The following DCC variants were observed in gnomAD, a reference collection of about 807,000 sequenced individuals.
DCC encodes netrin receptor DCC.
Under a neutral mutation model 172.5 loss-of-function variants are expected in DCC, and 58 were observed. The ratio of observed to expected loss-of-function variants is 0.34; its 90% CI spans 0.27 to 0.42. DCC has a LOEUF of 0.42. Ranked by LOEUF, DCC falls within the 10% of genes least tolerant of loss-of-function variation. The probability of loss-of-function intolerance (pLI) is 1.00; values close to 1 mark genes in which losing one functional copy is unlikely to be tolerated. For synonymous variants in DCC, 709 were observed against 644.5 expected (o/e 1.10, Z -1.52); for missense variants, 1,740 against 1,791.0 (o/e 0.97, Z 0.51).
chr18:52,594,206 G>T (rs2033861863), intron 1 of DCC, among the ~76,000 whole-genome samples: 1 of 152,084 alleles, frequency 6.6e-6, no homozygotes, highest in Non-Finnish European at 1.5e-5. Context: ...GTGCCTTCTG[G>T]GTGCTTTAGA....
intron 5 of DCC, chr18:52,934,692 C>T (rs1163678555): frequency 6.6e-6 from 1 of 152,016 alleles, no homozygotes; most frequent in Non-Finnish European, 1.5e-5. Flanking sequence ...GGAGAAAGGC[C>T]TTTCTTTAAA....
At chr18:52,554,987 C>T (rs1231002016) in intron 1 of DCC, among the ~76,000 whole-genome samples, 1 of 151,956 alleles carries the variant, frequency 6.6e-6, no homozygotes, top group East Asian at 1.9e-4. Context: ...CATAAGTAAA[C>T]TCTAAGCTAA....
intron 2 of DCC, among the ~76,000 whole-genome samples, chr18:52,830,369 A>G (rs1011029177): frequency 1.3e-5 from 2 of 152,272 alleles, no homozygotes; most frequent in Admixed American, 6.5e-5. Context: ...GTGTGTTCCA[A>G]TGAAGCCAAA....
At chr18:53,330,058 G>A (rs2057513375) in intron 14 of DCC, among the ~76,000 whole-genome samples, 1 of 152,168 alleles carries the variant, frequency 6.6e-6, no homozygotes, top group South Asian at 2.1e-4. Flanking sequence ...GTTGATTCTG[G>A]TGATGGAACT....
At chr18:53,512,221 G>C (rs1301928155) in intron 27 of DCC, among the ~76,000 whole-genome samples, 2 of 151,584 alleles carry the variant, frequency 1.3e-5, no homozygotes, top group East Asian at 3.9e-4. Flanking sequence ...CACACGGCAG[G>C]GTATTCCAAC....
chr18:53,148,863 G>A (rs2043955927), intron 7 of DCC, among the ~76,000 whole-genome samples: 1 of 72,246 alleles, frequency 1.4e-5, no homozygotes, highest in African/African-American at 6.4e-5. Context: ...ACTTCCCAAT[G>A]CCTTTTTTTT....
chr18:52,394,913 G>T (rs1490830423), intron 1 of DCC, among the ~76,000 whole-genome samples: 1 of 152,030 alleles, frequency 6.6e-6, no homozygotes, highest in Non-Finnish European at 1.5e-5. Context: ...AGAGCTGCAG[G>T]GATGTCTGAC....
At chr18:52,583,412 G>A (rs1282153348) in intron 1 of DCC, among the ~76,000 whole-genome samples, 2 of 152,106 alleles carry the variant, frequency 1.3e-5, no homozygotes, top group African/African-American at 2.4e-5. Flanking sequence ...TAACTGAAAT[G>A]AATTTAACTG....
intron 21 of DCC, among the ~76,000 whole-genome samples, chr18:53,418,305 G>A (rs528092607): frequency 4.6e-5 from 7 of 152,154 alleles, no homozygotes; most frequent in South Asian, 2.1e-4. Context: ...CTCAAAGCAC[G>A]TTTTATAAAC....
intron 28 of DCC, among the ~76,000 whole-genome samples, chr18:53,529,538 G>A (rs1450306942): frequency 6.6e-6 from 1 of 152,132 alleles, no homozygotes; most frequent in Non-Finnish European, 1.5e-5. Flanking sequence ...TTACCACTAG[G>A]CAGCCCTGAC....
chr18:53,143,039 A>G (rs1406793357), intron 7 of DCC, among the ~76,000 whole-genome samples: 3 of 152,200 alleles, frequency 2.0e-5, no homozygotes, highest in Non-Finnish European at 4.4e-5. Flanking sequence ...TTCTTGCCAC[A>G]TAATATCAAG....
intron 2 of DCC, among the ~76,000 whole-genome samples, chr18:52,898,924 G>C (rs1205357947): frequency 7.2e-5 from 11 of 152,088 alleles, no homozygotes. Flanking sequence ...TGTTCCTGGG[G>C]ACAGTGATGT....
At chr18:53,417,735 C>A (rs1269562042) in intron 21 of DCC, among the ~76,000 whole-genome samples, 1 of 152,130 alleles carries the variant, frequency 6.6e-6, no homozygotes. Context: ...ACTTAGTTGA[C>A]AACAAACATG....
intron 2 of DCC, among the ~76,000 whole-genome samples, chr18:52,903,216 C>CT (rs1312784735): frequency 6.6e-6 from 1 of 151,950 alleles, no homozygotes; most frequent in Non-Finnish European, 1.5e-5. Flanking sequence ...TTTATTATTT[C>CT]TTTTTTTGAG....
At chr18:53,023,826 T>C (rs2041918974) in intron 5 of DCC, among the ~76,000 whole-genome samples, 1 of 152,174 alleles carries the variant, frequency 6.6e-6, no homozygotes, top group Non-Finnish European at 1.5e-5. Context: ...TGACAGCTGC[T>C]GTATGATCTG....
intron 1 of DCC, among the ~76,000 whole-genome samples, chr18:52,736,750 C>G (rs1490528144): frequency 3.3e-5 from 5 of 152,070 alleles, no homozygotes; most frequent in Non-Finnish European, 7.4e-5. Context: ...TAGTCCCCAG[C>G]TCCTATGACA....
At chr18:52,375,399 G>A (rs906023876) in intron 1 of DCC, among the ~76,000 whole-genome samples, 3 of 152,168 alleles carry the variant, frequency 2.0e-5, no homozygotes, top group Non-Finnish European at 2.9e-5. Context: ...TTTATTAGTA[G>A]TATAATGAAA....
intron 1 of DCC, among the ~76,000 whole-genome samples, chr18:52,551,424 G>T (rs535920993): frequency 1.2e-4 from 19 of 152,070 alleles, no homozygotes; most frequent in Middle Eastern, 3.4e-3. Context: ...CCTCAGTGAC[G>T]CTCTACCATA....
intron 2 of DCC, among the ~76,000 whole-genome samples, chr18:52,896,752 C>G (rs2039737172): frequency 6.6e-6 from 1 of 152,142 alleles, no homozygotes; most frequent in Non-Finnish European, 1.5e-5. Flanking sequence ...CAAGCCAGCT[C>G]ACGCTTGTCT....
Sources: allele counts gnomAD v4.1 joint callset (sites outside exome capture counted in the v4.1 genomes callset), GRCh38; gene constraint gnomAD v4.1.1; transcripts MANE v1.5; gene names NCBI Gene and HGNC (gene_info 2026-07-23, HGNC 2026-07-21).